The following DAW1 variants were observed in gnomAD, a reference collection of about 807,000 sequenced individuals.
The protein encoded by DAW1 is dynein assembly factor with WD repeat domains 1.
DAW1 carries 47 observed loss-of-function variants against 56.5 expected under a neutral mutation model. The observed-to-expected ratio is 0.83, with a 90% confidence interval of 0.66 to 1.06. The LOEUF (loss-of-function observed/expected upper bound fraction) is 1.06. DAW1 is among the 50% of genes least tolerant of loss of function. The pLI is 0.00. For synonymous variants in DAW1, 190 were observed against 179.0 expected (o/e 1.06, Z -0.49); for missense variants, 505 against 499.3 (o/e 1.01, Z -0.11).
intron 9 of DAW1, 42 bp from the exon 10 acceptor site, chr2:227,907,096 T>G: frequency 6.9e-7 from 1 of 1,449,192 alleles, no homozygotes; most frequent in Non-Finnish European, 9.5e-7. Flanking sequence ...AGACAGAAAG[T>G]CATAGTCTTT....
chr2:227,924,150 ATATTAT>A lies in DAW1; in HGVS notation c.*187_*192del, dbSNP rs1692172073. 1.5e-6 allele frequency: 1 copy of A among 677,314 alleles called. No homozygotes were observed. Among genetic ancestry groups the A allele is most frequent in the Non-Finnish European group, 2.5e-6 (1 of 395,968 alleles). The allele number at this position is 677,314 out of a possible 1,614,324, so 42.0% of individuals were successfully genotyped here. ...AACATGACAAAGTTATGCCACTCCA[ATATTAT>A]TATTTGATGGCGATGGCAGGACACA... On this transcript the variant is annotated 3_prime_UTR_variant, in exon 13 of 13. Transcript: ENST00000309931.
chr2:227,912,822 C>T (rs775024132), intron 10 of DAW1, among the ~76,000 whole-genome samples: 1 of 152,116 alleles, frequency 6.6e-6, no homozygotes, highest in African/African-American at 2.4e-5. Flanking sequence ...TGCTCTCATA[C>T]GTTTGCATCT....
At chr2:227,893,039 G>C (rs1423771202) in intron 4 of DAW1, among the ~76,000 whole-genome samples, 2 of 151,930 alleles carry the variant, frequency 1.3e-5, no homozygotes, top group Non-Finnish European at 2.9e-5. Context: ...GGAGGCCGAG[G>C]TGGGCAGATC....
At chr2:227,906,455 T>TTATATCATCTTTGAA in intron 9 of DAW1, 117 bp downstream of exon 9, 1 of 754,106 alleles carries the variant, frequency 1.3e-6, no homozygotes, top group Non-Finnish European at 1.9e-6. Context: ...GATATTAATT[T>TTATATCATCTTTGAA]ACAAAAAATA....
Position 227,924,239 on chromosome 2 carries a change from T to G in DAW1, c.*271T>G, listed in dbSNP as rs1322031395. The stretch of plus-strand genomic sequence containing the variant: ...CAGTTGTGTTTGTTTTTTAAAAGCA[T>G]TATGATACTGAAAAAGGAGACCAGA... On this transcript the variant is annotated 3_prime_UTR_variant, in exon 13 of 13. Coordinates refer to ENST00000309931, the MANE Select transcript of DAW1 (RefSeq NM_178821.3). 1 of 460,602 alleles carries G rather than the reference T, an allele frequency of 2.2e-6. No individual in the cohort carries two copies. The highest frequency in any genetic ancestry group is 3.5e-5 in the Admixed American group (1 of 28,688). 28.5% of individuals were successfully genotyped at this position (460,602 alleles called of 1,614,324 possible). A position where few individuals can be genotyped will look rare whatever the true frequency, so the allele number is the denominator to read the frequency against.
At chr2:227,878,153 A>G (rs531555552) in intron 1 of DAW1, among the ~76,000 whole-genome samples, 32 of 152,340 alleles carry the variant, frequency 2.1e-4, no homozygotes, top group African/African-American at 5.8e-4. Flanking sequence ...AATTCTTTCC[A>G]ACCTTTCTCT....
At chr2:227,917,453 G>A (rs1297060066) in intron 10 of DAW1, among the ~76,000 whole-genome samples, 2 of 151,832 alleles carry the variant, frequency 1.3e-5, no homozygotes, top group African/African-American at 4.8e-5. Context: ...GTAGAGACGG[G>A]GTTTCACCGT....
chr2:227,898,153 A>T (rs1292288292), intron 5 of DAW1, 29 bp from the exon 6 acceptor site: 1 of 1,466,280 alleles, frequency 6.8e-7, no homozygotes, highest in Non-Finnish European at 9.2e-7. Flanking sequence ...GTCTTTTTTT[A>T]AATAATCTAC....
chr2:227,913,660 C>T (rs1488471691), intron 10 of DAW1, among the ~76,000 whole-genome samples: 2 of 152,128 alleles, frequency 1.3e-5, no homozygotes, highest in Non-Finnish European at 2.9e-5. Flanking sequence ...CACTGATAAC[C>T]ATGTGATACT....
Position 227,885,427 on chromosome 2 carries a change from A to G in DAW1, c.113+4A>G. The G allele has an allele frequency of 6.3e-7, 1 of 1,596,964 alleles. No individual in the cohort carries two copies. The highest frequency in any genetic ancestry group is 1.1e-5 in the South Asian group (1 of 87,204). On this transcript the variant is annotated splice_donor_region_variant and intron_variant, in intron 2 of 12. Transcript: ENST00000309931. ...ATTTGCTTGATCTTGGTCCCAGGTA[A>G]GTAAGCTGTAGGATTCAACAAATAA...
chr2:227,899,369 A>G (rs1691485349), intron 6 of DAW1, among the ~76,000 whole-genome samples: 1 of 152,212 alleles, frequency 6.6e-6, no homozygotes, highest in Non-Finnish European at 1.5e-5. Context: ...TCTTAAGTGG[A>G]TAATACCAAA....
At chr2:227,918,721 T>G in intron 10 of DAW1, 59 bp from the exon 11 acceptor site, 1 of 1,578,898 alleles carries the variant, frequency 6.3e-7, no homozygotes, top group South Asian at 1.1e-5. Context: ...TGCAAAGTCT[T>G]TTATCCAAAG....
Position 227,876,792 on chromosome 2 carries a change from G to A in DAW1, c.40+5063G>A, listed in dbSNP as rs553792301. ...CTTGGTCACATTTATTAATTCATAA[G>A]CTCTTTGCTTTGGGGAGAGTGGGTG... On this transcript the variant is annotated intron_variant, in intron 1 of 12. Coordinates refer to ENST00000309931, the MANE Select transcript of DAW1 (RefSeq NM_178821.3). 9.2e-5 allele frequency among the ~76,000 whole-genome samples: 14 copies of A among 152,328 alleles called. 1 individual carries two copies. The South Asian group carries it at 2.7e-3, about 29-fold the overall frequency.
rs1553600898 is a variant in DAW1 at position 227,872,297 on chromosome 2, A to AAAAAAAAAAAAAAAAG, written c.40+572_40+573insAAAAAAAAAAAGAAAA. On this transcript the variant is annotated intron_variant, in intron 1 of 12. Transcript: ENST00000309931. ...CTGCAAAAAAAAAAAAAAAAAGAAA[A>AAAAAAAAAAAAAAAAG]AAAAGAAAAAAATCTGCAAAACATA... 4 of 131,490 alleles carry AAAAAAAAAAAAAAAAG rather than the reference A, an allele frequency of 3.0e-5. 1 individual carries two copies. Among genetic ancestry groups the AAAAAAAAAAAAAAAAG allele is most frequent in the Admixed American group, 8.2e-5 (1 of 12,186 alleles). 8.1% of individuals were successfully genotyped at this position (131,490 alleles called of 1,614,324 possible).
At chr2:227,909,966 T>A (rs933158933) in intron 10 of DAW1, among the ~76,000 whole-genome samples, 1 of 152,022 alleles carries the variant, frequency 6.6e-6, no homozygotes, top group South Asian at 2.1e-4. Context: ...AATGCCGCAC[T>A]GTGTGTGTAT....
At chr2:227,901,367 A>T (rs1052427346) in intron 6 of DAW1, among the ~76,000 whole-genome samples, 1 of 152,164 alleles carries the variant, frequency 6.6e-6, no homozygotes. Flanking sequence ...CCTGTGTGAT[A>T]GCCAAACAGA....
intron 1 of DAW1, among the ~76,000 whole-genome samples, chr2:227,881,928 T>G (rs1445358532): frequency 6.6e-6 from 1 of 152,016 alleles, no homozygotes; most frequent in Non-Finnish European, 1.5e-5. Context: ...ATTTCTGTAT[T>G]TTTATTAGAG....
chr2:227,923,972 A>G lies in DAW1; in HGVS notation c.*4A>G. The G allele has an allele frequency of 6.2e-7, 1 of 1,614,036 alleles. No homozygotes were observed. The highest frequency in any genetic ancestry group is 1.1e-5 in the South Asian group (1 of 91,074). ...TACCTGTAGGATATGGCGTTGACTG[A>G]AGGAAGCTGGTCAGTGAGCAACCTT... On this transcript the variant is annotated 3_prime_UTR_variant, in exon 13 of 13. Transcript: ENST00000309931.
chr2:227,899,989 T>C (rs1271383913), intron 6 of DAW1, among the ~76,000 whole-genome samples: 1 of 152,220 alleles, frequency 6.6e-6, no homozygotes, highest in Non-Finnish European at 1.5e-5. Context: ...TAAAAATTCA[T>C]GGTATATTCA....
Sources: allele counts gnomAD v4.1 joint callset (sites outside exome capture counted in the v4.1 genomes callset), GRCh38; gene constraint gnomAD v4.1.1; transcripts MANE v1.5; gene names NCBI Gene and HGNC (gene_info 2026-07-23, HGNC 2026-07-21).